BAALC: variants seen among roughly 807,000 people sequenced by gnomAD.
BAALC encodes the protein brain and acute leukemia cytoplasmic protein.
Under a neutral mutation model 15.5 loss-of-function variants are expected in BAALC, and 9 were observed. The ratio of observed to expected loss-of-function variants is 0.58; its 90% CI spans 0.35 to 1.02. BAALC has a LOEUF of 1.02. Ranked by LOEUF, BAALC falls within the 50% of genes least tolerant of loss-of-function variation. BAALC has a pLI of 0.02. For missense variants in BAALC, 201 were observed against 192.4 expected (o/e 1.04, Z -0.27); for synonymous variants, 80 against 74.6 (o/e 1.07, Z -0.37).
chr8:103,149,715 T>C (rs983076128), intron 1 of BAALC, among the ~76,000 whole-genome samples: 2 of 152,182 alleles, frequency 1.3e-5, no homozygotes, highest in African/African-American at 4.8e-5. Context: ...CCAAGTCTAG[T>C]TTGAATGGAG....
rs545731360 is a variant in BAALC, at chr8:103,208,758, C to A, written c.161-4161C>A. 2.0e-5 allele frequency among the ~76,000 whole-genome samples: 3 copies of A among 152,268 alleles called. No individual in the cohort carries two copies. In the South Asian group the frequency reaches 6.2e-4, roughly 32 times the overall value. ...CCTTTCTGCCTCCCTGGGATATATT[C>A]CCTGCTGCCTGCTCTTGATCCTGGT... On this transcript the variant is annotated intron_variant, in intron 1 of 2. Coordinates refer to ENST00000309982, the MANE Select transcript of BAALC (RefSeq NM_024812.3).
chr8:103,202,417 TC>T (rs1444542796), intron 1 of BAALC, among the ~76,000 whole-genome samples: 1 of 152,168 alleles, frequency 6.6e-6, no homozygotes, highest in Non-Finnish European at 1.5e-5. Context: ...GAGAGAGGTC[TC>T]AGGAGAAACC....
intron 1 of BAALC, among the ~76,000 whole-genome samples, chr8:103,157,933 C>A (rs1811134254): frequency 6.6e-6 from 1 of 152,080 alleles, no homozygotes; most frequent in South Asian, 2.1e-4. Flanking sequence ...ACCACAATAC[C>A]ATTATCACAT....
chr8:103,175,084 A>T lies in BAALC; in HGVS notation c.160+34027A>T, dbSNP rs559979683. On this transcript the variant is annotated intron_variant, in intron 1 of 2. Coordinates refer to ENST00000309982, the MANE Select transcript of BAALC (RefSeq NM_024812.3). The stretch of plus-strand genomic sequence containing the variant: ...CGGAACTTCCTCACTCCCTGCAGTT[A>T]CTCACCTCTCTGCCCTCCCTGCCCT... Among the ~76,000 whole-genome samples, 8 of 152,204 alleles carry T rather than the reference A, an allele frequency of 5.3e-5. No homozygotes were observed. The East Asian group carries it at 1.5e-3, about 29-fold the overall frequency.
chr8:103,184,683 A>G (rs1232727093), intron 1 of BAALC, among the ~76,000 whole-genome samples: 2 of 152,210 alleles, frequency 1.3e-5, no homozygotes, highest in African/African-American at 4.8e-5. Flanking sequence ...GTGAGTGTAT[A>G]TGGGAGGGAG....
At position 103,228,780 on chromosome 8, in the gene BAALC, A is replaced by T. The variant is rs2130110079; in HGVS notation, c.*681A>T. The T allele has an allele frequency of 6.6e-6, 1 of 152,330 alleles. No individual in the cohort carries two copies. Among genetic ancestry groups the T allele is most frequent in the South Asian group, 2.1e-4 (1 of 4,820 alleles). 9.4% of individuals were successfully genotyped at this position (152,330 alleles called of 1,614,324 possible). A position where few individuals can be genotyped will look rare whatever the true frequency, so the allele number is the denominator to read the frequency against. The stretch of plus-strand genomic sequence containing the variant: ...CCTCATCTGCCTGGAAAGTCCTCCT[A>T]TTCCAGTGTCCATGTTGGCCTCCAG... On this transcript the variant is annotated 3_prime_UTR_variant, in exon 3 of 3. Transcript: ENST00000309982.
At chr8:103,219,922 C>A (rs1270380965) in intron 2 of BAALC, among the ~76,000 whole-genome samples, 1 of 152,152 alleles carries the variant, frequency 6.6e-6, no homozygotes, top group Non-Finnish European at 1.5e-5. Context: ...AATATTTTGA[C>A]GTGCCTACAA....
At chr8:103,182,753 G>A (rs140685128) in intron 1 of BAALC, among the ~76,000 whole-genome samples, 12 of 152,162 alleles carry the variant, frequency 7.9e-5, no homozygotes, top group African/African-American at 2.7e-4. Context: ...GAACTTTCAC[G>A]GATAAGCTTT....
intron 1 of BAALC, among the ~76,000 whole-genome samples, chr8:103,160,884 C>T (rs1811209166): frequency 6.6e-6 from 1 of 152,100 alleles, no homozygotes; most frequent in Non-Finnish European, 1.5e-5. Context: ...AGATGGTGCC[C>T]ACCCAGATTA....
chr8:103,171,431 A>G (rs966253555), intron 1 of BAALC, among the ~76,000 whole-genome samples: 1 of 145,014 alleles, frequency 6.9e-6, no homozygotes, highest in African/African-American at 2.6e-5. Flanking sequence ...AATGAAAATA[A>G]AAAGAAAGAG....
At chr8:103,180,217 A>G (rs1443482580) in intron 1 of BAALC, among the ~76,000 whole-genome samples, 1 of 152,248 alleles carries the variant, frequency 6.6e-6, no homozygotes, top group African/African-American at 2.4e-5. Context: ...TAAGACAACT[A>G]GAGTTCCAGG....
At chr8:103,225,409 T>G (rs995266982) in intron 2 of BAALC, among the ~76,000 whole-genome samples, 1 of 152,226 alleles carries the variant, frequency 6.6e-6, no homozygotes, top group Non-Finnish European at 1.5e-5. Context: ...TGATCTTTGG[T>G]TAGGTTCCCT....
chr8:103,194,613 T>C (rs1812048630), intron 1 of BAALC, among the ~76,000 whole-genome samples: 1 of 152,212 alleles, frequency 6.6e-6, no homozygotes, highest in South Asian at 2.1e-4. Flanking sequence ...TTCATTCATG[T>C]TGTTATAACA....
At chr8:103,191,480 C>T (rs1212162199) in intron 1 of BAALC, 2 of 151,934 alleles carry the variant, frequency 1.3e-5, no homozygotes, top group South Asian at 4.2e-4. Context: ...GAATGGGAAA[C>T]AAAGAAATGG....
At chr8:103,143,773 C>G (rs62527608) in intron 1 of BAALC, among the ~76,000 whole-genome samples, 10,638 of 152,274 alleles carry the variant, frequency 0.07, 513 homozygotes, top group Non-Finnish European at 0.11. Context: ...CTGAACACAT[C>G]TGGGACTTGT....
At chr8:103,161,970 T>C (rs1158077279) in intron 1 of BAALC, among the ~76,000 whole-genome samples, 1 of 152,110 alleles carries the variant, frequency 6.6e-6, no homozygotes, top group African/African-American at 2.4e-5. Context: ...TTTTTGTTTT[T>C]GTTTTTTTGA....
intron 1 of BAALC, chr8:103,191,317 A>T (rs902866912): frequency 6.6e-6 from 1 of 152,018 alleles, no homozygotes; most frequent in Non-Finnish European, 1.5e-5. Flanking sequence ...GCGTGTTCTG[A>T]TTTCTAGGAC....
rs377039289 is a variant in BAALC at position 103,206,497 on chromosome 8, C to T, written c.161-6422C>T. On this transcript the variant is annotated intron_variant, in intron 1 of 2. Transcript: ENST00000309982. ...TAAAAACCTGACCTCAATGTGCCGC[C>T]GCAGACCCTTCCCCTCTAAAGCTAA... Among the ~76,000 whole-genome samples the T allele has an allele frequency of 1.1e-4, 17 of 152,200 alleles. No individual in the cohort carries two copies. In the East Asian group the frequency reaches 2.5e-3, roughly 23 times the overall value.
At chr8:103,161,077 T>C (rs1299721282) in intron 1 of BAALC, among the ~76,000 whole-genome samples, 1 of 152,196 alleles carries the variant, frequency 6.6e-6, no homozygotes, top group Non-Finnish European at 1.5e-5. Context: ...TTGTTTCATT[T>C]TACTTTTGCA....
Sources: gnomAD v4.1 joint callset for allele counts (sites outside exome capture counted in the v4.1 genomes callset) on GRCh38, gnomAD v4.1.1 for gene constraint, MANE v1.5 for transcripts, NCBI Gene and HGNC (gene_info 2026-07-23, HGNC 2026-07-21) for gene names.